VWF: variants seen among roughly 807,000 people sequenced by gnomAD.
The protein encoded by VWF is von Willebrand factor.
Under a neutral mutation model 308.6 loss-of-function variants are expected in VWF, and 176 were observed. That is an observed-to-expected ratio of 0.57 (90% CI 0.50 to 0.65). The LOEUF (loss-of-function observed/expected upper bound fraction) is 0.65. Ranked by LOEUF, VWF falls within the 30% of genes least tolerant of loss-of-function variation. The pLI, the probability that VWF is intolerant of heterozygous loss-of-function variation, is 0.00. For synonymous variants in VWF, 1,385 were observed against 1,443.4 expected, an observed-to-expected ratio of 0.96 and a Z score of 0.92; for missense variants, 3,146 against 3,648.2, an observed-to-expected ratio of 0.86 and a Z score of 3.55.
At chr12:6,026,099 C>A (rs34877178) in intron 22 of VWF, 53 bp from the exon 23 acceptor site, 1 of 1,612,452 alleles carries the variant, frequency 6.2e-7, no homozygotes, top group South Asian at 1.1e-5. Flanking sequence ...GCATGCTCTC[C>A]GGCTCAGGGG....
rs200893595 is a variant in VWF at position 6,019,671 on chromosome 12, A to G, written c.3747T>C (p.Asp1249=). The G allele has an allele frequency of 8.1e-6, 13 of 1,613,718 alleles. No homozygotes were observed. In the Admixed American group the frequency reaches 1.8e-4, roughly 23 times the overall value. ...ACAGAGTGGTGGGGCTCACCGGGGC[A>G]TCTGTGGGAGGCACCACCAGGCCTC... is the stretch of plus-strand genomic sequence containing the variant. ...EPGGLVVPPT[D]APVSPTTLYV... The change falls in exon 28 of 52, where the codon GAT becomes GAC. Residue 1249 remains aspartate, a synonymous_variant. Coordinates refer to ENST00000261405, the MANE Select transcript of VWF (RefSeq NM_000552.5). The surrounding 1 kb of genome is among the most constrained non-coding windows in gnomAD (Gnocchi z 5.8).
At chr12:5,976,675 C>G (rs1168246678) in intron 42 of VWF, among the ~76,000 whole-genome samples, 1 of 151,990 alleles carries the variant, frequency 6.6e-6, no homozygotes, top group Non-Finnish European at 1.5e-5. Flanking sequence ...CACTTACGAG[C>G]AAATTGGGCA....
rs775574792 is a variant in VWF, at chr12:5,967,582, G to A, written c.7791C>T (p.Ile2597=). The A allele has an allele frequency of 1.6e-5, 26 of 1,613,728 alleles. No individual in the cohort carries two copies. In the East Asian group the frequency reaches 2.7e-4, roughly 17 times the overall value. Residue 2597 remains isoleucine, a synonymous_variant, in exon 47 of 52, where the codon ATC becomes ATT. Coordinates refer to ENST00000261405, the MANE Select transcript of VWF (RefSeq NM_000552.5). The part of the protein sequence containing the change: ...TVIGPGKTVM[I]DVCTTCRCMV... ...TGCAGCGGCAGGTCGTGCACACATC[G>A]ATCATCACAGTCTTCCCGGGCTGGA...
chr12:5,964,244 A>AT (rs2136350414), intron 47 of VWF, among the ~76,000 whole-genome samples: 1 of 142,950 alleles, frequency 7.0e-6, no homozygotes, highest in South Asian at 2.3e-4. Context: ...ACATACATAC[A>AT]TACATGCATA....
chr12:6,007,933 T>C (rs1208743103), intron 34 of VWF, among the ~76,000 whole-genome samples: 1 of 152,048 alleles, frequency 6.6e-6, no homozygotes, highest in Non-Finnish European at 1.5e-5. Context: ...CACTAACAAA[T>C]TGGATAACCT....
At position 5,994,074 on chromosome 12, in the gene VWF, T is replaced by A; in HGVS notation, c.6386A>T (p.Glu2129Val). ...PGQTCQPILEEQCLVPDSSHC... is the reference protein window; with the variant it reads ...PGQTCQPILEVQCLVPDSSHC... Reference sequence around the variant, plus strand: ...GGAGCTGTCGGGGACAAGACACTGCTCCTCCAGGATGGGCTGGCACGTCTG... The same window carrying A: ...GGAGCTGTCGGGGACAAGACACTGCACCTCCAGGATGGGCTGGCACGTCTG... The change falls in exon 37 of 52, where the codon GAG becomes GTG. Residue 2129 changes from glutamate (E) to valine (V), a missense_variant. Around this residue, in one of 3 missense-constraint regions of VWF, gnomAD observed 989 missense variants for 1,117.4 expected, o/e 0.89. Transcript: ENST00000261405. 6.2e-7 allele frequency: 1 copy of A among 1,614,130 alleles called. No homozygotes were observed. The highest frequency in any genetic ancestry group is 1.3e-5 in the African/African-American group (1 of 75,032).
intron 3 of VWF, among the ~76,000 whole-genome samples, chr12:6,116,075 GC>G (rs1257251051): frequency 6.6e-6 from 1 of 152,100 alleles, no homozygotes; most frequent in Non-Finnish European, 1.5e-5. Flanking sequence ...GAACTCAGGG[GC>G]ATCAGATGAT....
intron 6 of VWF, among the ~76,000 whole-genome samples, chr12:6,085,754 G>A (rs1057234348): frequency 1.3e-5 from 2 of 151,938 alleles, no homozygotes; most frequent in Non-Finnish European, 2.9e-5. Context: ...AGGAGAGAGC[G>A]AGCATTAGGA....
intron 34 of VWF, among the ~76,000 whole-genome samples, chr12:6,008,326 C>T (rs1591856166): frequency 1.3e-5 from 2 of 152,114 alleles, no homozygotes; most frequent in African/African-American, 4.8e-5. Flanking sequence ...TACACTCTGA[C>T]GGAGTGGGAT....
At position 6,072,753 on chromosome 12, in the gene VWF, G is replaced by A. The variant is rs575435780; in HGVS notation, c.998-311C>T. On this transcript the variant is annotated intron_variant, in intron 8 of 51. Transcript: ENST00000261405. ...TGCTTCCCTTACACATTAATGCAACGTGAGAGGGAGAAGACTACTCATTAC... is the reference window on the plus strand; with the variant it reads ...TGCTTCCCTTACACATTAATGCAACATGAGAGGGAGAAGACTACTCATTAC... 1.1e-4 allele frequency among the ~76,000 whole-genome samples: 17 copies of A among 152,306 alleles called. No homozygotes were observed. The South Asian group carries it at 1.9e-3, about 17-fold the overall frequency.
At chr12:6,036,523 C>T (rs762308820) in intron 18 of VWF, 32 bp from the exon 19 acceptor site, 4 of 1,599,022 alleles carry the variant, frequency 2.5e-6, no homozygotes, top group Admixed American at 1.7e-5. Context: ...GTCCTCAGGG[C>T]CACAGTGACT....
chr12:6,097,197 G>C (rs1019310937), intron 5 of VWF, among the ~76,000 whole-genome samples: 1 of 152,192 alleles, frequency 6.6e-6, no homozygotes. Flanking sequence ...AGCACTTTGG[G>C]AGGCCAAGGA....
intron 15 of VWF, among the ~76,000 whole-genome samples, chr12:6,056,639 T>C (rs1203847079): frequency 6.6e-6 from 1 of 152,142 alleles, no homozygotes; most frequent in Non-Finnish European, 1.5e-5. Context: ...CCTGTCTTCC[T>C]GGAACAGGCC....
intron 15 of VWF, among the ~76,000 whole-genome samples, chr12:6,055,517 A>C (rs1411240513): frequency 6.6e-6 from 1 of 151,988 alleles, no homozygotes; most frequent in African/African-American, 2.4e-5. Context: ...GAGCTGGAGG[A>C]ATGGGGAGGG....
Position 5,975,956 on chromosome 12 carries a change from C to T in VWF, c.7437+155G>A, listed in dbSNP as rs181423950. 2.0e-5 allele frequency among the ~76,000 whole-genome samples: 3 copies of T among 152,158 alleles called. No homozygotes were observed. In the East Asian group the frequency reaches 5.8e-4, roughly 29 times the overall value. ...TCGTGAACCCGGGAGGCAGAGCTTG[C>T]AGTGAGCCGAGATTGTGCCACTGCA... On this transcript the variant is annotated intron_variant, in intron 43 of 51. Coordinates refer to ENST00000261405, the MANE Select transcript of VWF (RefSeq NM_000552.5).
intron 3 of VWF, among the ~76,000 whole-genome samples, chr12:6,116,451 C>A (rs1295164604): frequency 6.6e-6 from 1 of 152,230 alleles, no homozygotes; most frequent in East Asian, 1.9e-4. Flanking sequence ...ACCTTCTATG[C>A]CCGTGATTCT....
At chr12:6,089,146 TC>T (rs1169471339) in intron 6 of VWF, among the ~76,000 whole-genome samples, 1 of 152,168 alleles carries the variant, frequency 6.6e-6, no homozygotes, top group Non-Finnish European at 1.5e-5. Flanking sequence ...AGACCGGACT[TC>T]TGAACCTGGG....
chr12:6,018,909 C>A lies in VWF; in HGVS notation c.4509G>T (p.Leu1503=). The change falls in exon 28 of 52, where the codon CTG becomes CTT. Residue 1503 remains leucine, a synonymous_variant. Coordinates refer to ENST00000261405, the MANE Select transcript of VWF (RefSeq NM_000552.5). ...NSMVLDVAFV[L]EGSDKIGEAD... is the part of the protein sequence containing the mutation. ...CTTCACCAATTTTGTCCGATCCTTC[C>A]AGGACGAACGCCACATCCAGAACCA... 6.2e-7 allele frequency: 1 copy of A among 1,613,942 alleles called. No homozygotes were observed. Among genetic ancestry groups the A allele is most frequent in the Non-Finnish European group, 8.5e-7 (1 of 1,179,870 alleles).
intron 5 of VWF, among the ~76,000 whole-genome samples, chr12:6,107,572 A>G (rs1945256877): frequency 6.6e-6 from 1 of 152,256 alleles, no homozygotes; most frequent in Admixed American, 6.5e-5. Flanking sequence ...TAGCTATACT[A>G]ATATCAGACA....
Sources: allele counts gnomAD v4.1 joint callset (sites outside exome capture counted in the v4.1 genomes callset), GRCh38; gene constraint gnomAD v4.1.1; regional missense constraint gnomAD v4.1.1; non-coding constraint Gnocchi (gnomAD v3.1); transcripts MANE v1.5; gene names NCBI Gene and HGNC (gene_info 2026-07-23, HGNC 2026-07-21).